ANKRD18A: variants seen among roughly 807,000 people sequenced by gnomAD.
ANKRD18A encodes ankyrin repeat domain 18A, also known as ankyrin repeat domain-containing protein 18A.
A neutral mutation model predicts 110.6 loss-of-function variants in ANKRD18A; 72 were observed. The ratio of observed to expected loss-of-function variants is 0.65; its 90% CI spans 0.54 to 0.79. The LOEUF is 0.79. ANKRD18A is among the 30% of genes least tolerant of loss of function. The pLI is 0.00. For missense variants in ANKRD18A, 934 were observed against 1,163.3 expected (o/e 0.80, Z 2.87); for synonymous variants, 305 against 410.3 (o/e 0.74, Z 3.10).
At chr9:38,615,501 C>G (rs1303926502) in intron 3 of ANKRD18A, 93 bp downstream of exon 3, 1 of 1,407,136 alleles carries the variant, frequency 7.1e-7, no homozygotes, top group South Asian at 1.6e-5. Flanking sequence ...CATTTTCATT[C>G]AGGAATACTT....
intron 15 of ANKRD18A, among the ~76,000 whole-genome samples, chr9:38,574,532 G>A (rs1045903942): frequency 6.6e-6 from 1 of 151,882 alleles, no homozygotes; most frequent in Non-Finnish European, 1.5e-5. Flanking sequence ...GGCCAGGCTG[G>A]TATCAAACTC....
At chr9:38,617,273 C>T (rs975588752) in intron 1 of ANKRD18A, among the ~76,000 whole-genome samples, 7 of 152,138 alleles carry the variant, frequency 4.6e-5, no homozygotes, top group African/African-American at 1.7e-4. Flanking sequence ...AACTCTGTCT[C>T]TACTAAAACT....
chr9:38,569,156 A>T, downstream of ANKRD18A: 1 of 985,324 alleles, frequency 1.0e-6, no homozygotes, highest in Non-Finnish European at 1.2e-6. Context: ...CATCTTGGTT[A>T]TCACGGAGCG....
In ANKRD18A at chr9:38,592,279, A is replaced by G. The variant is rs527420900; in HGVS notation, c.2004+1481T>C. On this transcript the variant is annotated intron_variant, in intron 10 of 15. Coordinates refer to ENST00000399703, the MANE Select transcript of ANKRD18A (RefSeq NM_147195.4). ...AGCTAAACTATTTTCAATTTATAGA[A>G]GGATAGGCGACATTCATGTCATATA... is the stretch of plus-strand genomic sequence containing the variant. Among the ~76,000 whole-genome samples, 4 of 152,394 alleles carry G rather than the reference A, an allele frequency of 2.6e-5. No homozygotes were observed. The South Asian group carries it at 6.2e-4, about 24-fold the overall frequency.
In ANKRD18A at chr9:38,615,730, A is replaced by T. The variant is rs771196218; in HGVS notation, c.359T>A (p.Leu120His). 6.2e-7 allele frequency: 1 copy of T among 1,613,008 alleles called. No homozygotes were observed. Among genetic ancestry groups the T allele is most frequent in the Admixed American group, 1.7e-5 (1 of 59,998 alleles). ...HSQEEACAIV[L>H]LECGANPNIE... is the part of the protein sequence containing the mutation. Reference sequence around the variant, plus strand: ...GTTTGGATTGGCGCCACATTCCAGGAGAACGATGGCACAAGCCTCTTCCTG... The same window carrying T: ...GTTTGGATTGGCGCCACATTCCAGGTGAACGATGGCACAAGCCTCTTCCTG... Residue 120 changes from leucine (L) to histidine (H), a missense_variant, in exon 3 of 16, where the codon CTC becomes CAC. By Grantham distance (99) the Leu-to-His change is moderately conservative (BLOSUM62 -3). Coordinates refer to ENST00000399703, the MANE Select transcript of ANKRD18A (RefSeq NM_147195.4).
At position 38,615,619 on chromosome 9, in the gene ANKRD18A, T is replaced by C. The variant is rs1825816676; in HGVS notation, c.470A>G (p.His157Arg). ...CTTGTTTAGTGCTTCAATATTTGCA[T>C]GGTGGGAAAGCAGTCTTTCTGCCAG... ...TSLAERLLSH[H>R]ANIEALNKEG... The change falls in exon 3 of 16, where the codon CAT becomes CGT. Residue 157 changes from histidine (H) to arginine (R), a missense_variant. Physicochemically the swap from His to Arg is conservative, Grantham distance 29. Transcript: ENST00000399703. 2 of 1,608,198 alleles carry C rather than the reference T, an allele frequency of 1.2e-6. No individual in the cohort carries two copies. The highest frequency in any genetic ancestry group is 3.4e-5 in the Admixed American group (2 of 59,096).
At chr9:38,573,675 A>G (rs1159030849) in intron 15 of ANKRD18A, among the ~76,000 whole-genome samples, 3 of 152,072 alleles carry the variant, frequency 2.0e-5, no homozygotes, top group African/African-American at 7.2e-5. Flanking sequence ...AGATCGTGCC[A>G]CGGCACTCCA....
intron 6 of ANKRD18A, among the ~76,000 whole-genome samples, chr9:38,603,931 C>A (rs180783399): frequency 6.6e-6 from 1 of 152,304 alleles, no homozygotes; most frequent in African/African-American, 2.4e-5. Flanking sequence ...TTATTCTAAG[C>A]TAATCATATA....
intron 6 of ANKRD18A, among the ~76,000 whole-genome samples, chr9:38,606,202 G>A (rs755747815): frequency 4.6e-5 from 7 of 152,048 alleles, no homozygotes; most frequent in Admixed American, 6.6e-5. Flanking sequence ...ATTTGTTTAC[G>A]GTGTCAGAAA....
chr9:38,572,237 T>G, intron 15 of ANKRD18A, 178 bp from the exon 16 acceptor site: 1 of 464,388 alleles, frequency 2.2e-6, no homozygotes. Flanking sequence ...ATTCCAATTG[T>G]GGTTAAATAT....
In ANKRD18A at chr9:38,596,374, A is replaced by T. The variant is rs1471934682; in HGVS notation, c.966T>A (p.Asp322Glu). The T allele has an allele frequency of 6.8e-7, 1 of 1,461,752 alleles. No individual in the cohort carries two copies. The highest frequency in any genetic ancestry group is 9.0e-7 in the Non-Finnish European group (1 of 1,107,186). 90.5% of individuals were successfully genotyped at this position (1,461,752 alleles called of 1,614,324 possible). The change falls in exon 9 of 16, where the codon GAT becomes GAA. Residue 322 changes from aspartate to glutamate, a missense_variant. Physicochemically the swap from Asp to Glu is conservative, Grantham distance 45. Coordinates refer to ENST00000399703, the MANE Select transcript of ANKRD18A (RefSeq NM_147195.4). ...QDSQSYGKKK[D>E]AMYGNFMLKK... is the part of the protein sequence containing the mutation. ...TCAACATAAAATTTCCATACATCGCATCCTTCTTTTTTCCGTAACTTTGAG... is the reference window on the plus strand; with the variant it reads ...TCAACATAAAATTTCCATACATCGCTTCCTTCTTTTTTCCGTAACTTTGAG...
chr9:38,620,552 T>G lies in ANKRD18A; in HGVS notation c.-267A>C. On this transcript the variant is annotated 5_prime_UTR_variant, in exon 1 of 16. Coordinates refer to ENST00000399703, the MANE Select transcript of ANKRD18A (RefSeq NM_147195.4). ...GACCGAGTGAGCCCAGCTAAGCCGT[T>G]AGGCGCGCGCCTGAACCTCAGCGCT... is the stretch of plus-strand genomic sequence containing the variant. 3.3e-6 allele frequency: 4 copies of G among 1,214,818 alleles called. No homozygotes were observed. The highest frequency in any genetic ancestry group is 2.1e-6 in the Non-Finnish European group (2 of 951,820). The allele number at this position is 1,214,818 out of a possible 1,614,324, so 75.3% of individuals were successfully genotyped here.
chr9:38,600,824 T>G (rs1483524598), intron 8 of ANKRD18A, among the ~76,000 whole-genome samples: 4 of 152,186 alleles, frequency 2.6e-5, no homozygotes, highest in Admixed American at 6.5e-5. Flanking sequence ...TGCTTAGTAA[T>G]ACAACTCCAT....
intron 10 of ANKRD18A, among the ~76,000 whole-genome samples, chr9:38,591,114 C>T (rs931583557): frequency 4.6e-5 from 7 of 152,074 alleles, no homozygotes; most frequent in East Asian, 3.9e-4. Flanking sequence ...GCATGCACCA[C>T]CATGCCCCAG....
Position 38,596,180 on chromosome 9 carries a change from T to C in ANKRD18A, c.1160A>G (p.Tyr387Cys). The C allele has an allele frequency of 3.9e-6, 6 of 1,542,982 alleles. No individual in the cohort carries two copies. Among genetic ancestry groups the C allele is most frequent in the Non-Finnish European group, 5.2e-6 (6 of 1,143,740 alleles). The change falls in exon 9 of 16, where the codon TAT (tyrosine) becomes TGT (cysteine). Residue 387 changes from tyrosine to cysteine, a missense_variant. Tyr to Cys is a radical substitution (Grantham distance 194, BLOSUM62 -2). Coordinates refer to ENST00000399703, the MANE Select transcript of ANKRD18A (RefSeq NM_147195.4). Reference protein sequence around the residue: ...EKMITKTVARYSQQLNDLKAE... With the variant: ...EKMITKTVARCSQQLNDLKAE... ...TTTCAGATCATTAAGCTGTTGCGAA[T>C]ACCGGGCCACTGTTTTTGTTATCAT...
At chr9:38,607,040 T>A (rs2118847796) in intron 6 of ANKRD18A, among the ~76,000 whole-genome samples, 1 of 152,232 alleles carries the variant, frequency 6.6e-6, no homozygotes, top group South Asian at 2.1e-4. Flanking sequence ...TCTTTTATGA[T>A]TAAAAATATG....
rs367896100 is a variant in ANKRD18A at position 38,594,878 on chromosome 9, T to C, written c.1854+608A>G. Among the ~76,000 whole-genome samples, 3 of 152,302 alleles carry C rather than the reference T, an allele frequency of 2.0e-5. No individual in the cohort carries two copies. In the East Asian group the frequency reaches 5.8e-4, roughly 29 times the overall value. The stretch of plus-strand genomic sequence containing the variant: ...CCACTTACCTGCTTCATTATGCTCT[T>C]AAAATGCGGCAACATGAAGACGTTA... On this transcript the variant is annotated intron_variant, in intron 9 of 15. Coordinates refer to ENST00000399703, the MANE Select transcript of ANKRD18A (RefSeq NM_147195.4).
chr9:38,596,139 G>T lies in ANKRD18A; in HGVS notation c.1201C>A (p.Leu401Met). The T allele has an allele frequency of 6.5e-7, 1 of 1,549,924 alleles. No homozygotes were observed. Among genetic ancestry groups the T allele is most frequent in the Non-Finnish European group, 8.7e-7 (1 of 1,146,420 alleles). ...TTTTCCTTCTCCAATTCTGAATTCA[G>T]CCTTGCATTCTCAGCTTTCAGATCA... ...LNDLKAENAR[L>M]NSELEKEKHN... The change falls in exon 9 of 16, where the codon CTG (leucine) becomes ATG (methionine). Residue 401 changes from leucine to methionine, a missense_variant. This residue lies in a region of ANKRD18A where 630 missense variants were observed against 797.5 expected (regional missense o/e 0.79). Coordinates refer to ENST00000399703, the MANE Select transcript of ANKRD18A (RefSeq NM_147195.4).
chr9:38,575,859 G>A lies in ANKRD18A; in HGVS notation c.2742-161C>T, dbSNP rs575779975. 1.1e-3 allele frequency among the ~76,000 whole-genome samples: 162 copies of A among 152,250 alleles called. No homozygotes were observed. The South Asian group carries it at 0.031, about 29-fold the overall frequency. On this transcript the variant is annotated intron_variant, in intron 14 of 15. Transcript: ENST00000399703. ...TGAGGGCATACCTCTTGTAAGTAAC[G>A]GTAATTTTAAAATCATCCTAAATAA...
Sources: gnomAD v4.1 joint callset for allele counts (sites outside exome capture counted in the v4.1 genomes callset) on GRCh38, gnomAD v4.1.1 for gene constraint, gnomAD v4.1.1 regional missense constraint, MANE v1.5 for transcripts, NCBI Gene and HGNC (gene_info 2026-07-23, HGNC 2026-07-21) for gene names.